The following RRP15 variants were observed in gnomAD, a reference collection of about 807,000 sequenced individuals.
The protein encoded by RRP15 is RRP15-like protein.
In RRP15, 18 loss-of-function variants were observed where a neutral mutation model predicts 27.1. The observed-to-expected ratio is 0.66, with a 90% confidence interval of 0.46 to 0.98. RRP15 has a LOEUF of 0.98. RRP15 is among the 50% of genes least tolerant of loss of function. The pLI is 0.00. For synonymous variants in RRP15, 107 were observed against 109.4 expected (o/e 0.98, Z 0.14); for missense variants, 359 against 337.8 (o/e 1.06, Z -0.49).
intron 4 of RRP15, among the ~76,000 whole-genome samples, chr1:218,315,372 GGA>G (rs1248497634): frequency 6.6e-6 from 1 of 152,076 alleles, no homozygotes; most frequent in Non-Finnish European, 1.5e-5. Flanking sequence ...CAGAAGCCTA[GGA>G]AAGGAGGACT....
intron 4 of RRP15, 62 bp from the exon 5 acceptor site, chr1:218,330,886 C>G (rs1656354842): frequency 2.7e-6 from 4 of 1,479,862 alleles, no homozygotes; most frequent in Non-Finnish European, 3.7e-6. Flanking sequence ...GTAGCTTGTA[C>G]CTTTTTGTTT....
rs185819266 is a variant in RRP15, at chr1:218,287,055, G to A, written c.139+1600G>A. 5.6e-3 allele frequency among the ~76,000 whole-genome samples: 762 copies of A among 136,608 alleles called. 10 individuals carry two copies. The highest frequency in any genetic ancestry group is 0.019 in the African/African-American group (706 of 36,482). 89.6% of individuals were successfully genotyped at this position (136,608 alleles called of 152,430 possible). The stretch of plus-strand genomic sequence containing the variant: ...TGCAACCTTGACCTCCTCCCCCACC[G>A]CCCCCCAAAGCGATCCTCTTGCTTC... On this transcript the variant is annotated intron_variant, in intron 1 of 4. Coordinates refer to ENST00000366932, the MANE Select transcript of RRP15 (RefSeq NM_016052.4).
chr1:218,287,665 C>A (rs1170843999), intron 1 of RRP15, among the ~76,000 whole-genome samples: 2 of 151,932 alleles, frequency 1.3e-5, no homozygotes, highest in East Asian at 1.9e-4. Flanking sequence ...CAGAGAAATT[C>A]ATATCCTCTG....
At chr1:218,296,408 C>A (rs1655720029) in intron 1 of RRP15, among the ~76,000 whole-genome samples, 1 of 152,060 alleles carries the variant, frequency 6.6e-6, no homozygotes, top group Non-Finnish European at 1.5e-5. Flanking sequence ...AATTCCAGCA[C>A]TTTGGAAGGC....
At position 218,336,249 on chromosome 1, in the gene RRP15, AAC is replaced by A. The variant is rs145972776; in HGVS notation, c.*5178_*5179del. Reference sequence around the variant, plus strand: ...AAATGTAGGTTGCAGATTCAGGCAAAACACACACACACACACACACAAAACCC... The same window carrying A: ...AAATGTAGGTTGCAGATTCAGGCAAAACACACACACACACACACAAAACCC... On this transcript the variant is annotated 3_prime_UTR_variant, in exon 5 of 5. Coordinates refer to ENST00000366932, the MANE Select transcript of RRP15 (RefSeq NM_016052.4). The A allele has an allele frequency of 6.1e-4, 91 of 149,748 alleles. No individual in the cohort carries two copies. The highest frequency in any genetic ancestry group is 3.5e-3 in the Middle Eastern group (1 of 286). 9.3% of individuals were successfully genotyped at this position (149,748 alleles called of 1,614,324 possible). A position where few individuals can be genotyped will look rare whatever the true frequency, so the allele number is the denominator to read the frequency against.
intron 1 of RRP15, among the ~76,000 whole-genome samples, chr1:218,300,288 T>C (rs1418133797): frequency 6.6e-6 from 1 of 152,200 alleles, no homozygotes; most frequent in East Asian, 1.9e-4. Flanking sequence ...TGTTCTTTGC[T>C]ATGTAATGTT....
At chr1:218,294,697 A>C (rs1158998947) in intron 1 of RRP15, among the ~76,000 whole-genome samples, 1 of 151,918 alleles carries the variant, frequency 6.6e-6, no homozygotes, top group Non-Finnish European at 1.5e-5. Flanking sequence ...AGCATGGTTG[A>C]TTAAATCATC....
At chr1:218,304,661 A>G (rs909970162) in intron 2 of RRP15, among the ~76,000 whole-genome samples, 1 of 152,210 alleles carries the variant, frequency 6.6e-6, no homozygotes, top group East Asian at 1.9e-4. Context: ...TAAACTTATA[A>G]TTTTCAAAGA....
intron 1 of RRP15, among the ~76,000 whole-genome samples, chr1:218,292,863 C>T (rs181476006): frequency 6.6e-6 from 1 of 152,296 alleles, no homozygotes; most frequent in East Asian, 1.9e-4. Flanking sequence ...TATTGGCATA[C>T]TCTTTTTATT....
Position 218,285,364 on chromosome 1 carries a change from G to C in RRP15, c.48G>C (p.Leu16=), listed in dbSNP as rs1465047155. 1 of 1,614,108 alleles carries C rather than the reference G, an allele frequency of 6.2e-7. No individual in the cohort carries two copies. Among genetic ancestry groups the C allele is most frequent in the Admixed American group, 1.7e-5 (1 of 60,020 alleles). ...CACGTGTGAGTGAGGAAGAAAACCTGAAAAAGACCCCAAAGAAGAAGATGA... is the reference window on the plus strand; with the variant it reads ...CACGTGTGAGTGAGGAAGAAAACCTCAAAAAGACCCCAAAGAAGAAGATGA... ...PDSRVSEEEN[L]KKTPKKKMKM... Residue 16 remains leucine (L), a synonymous_variant, in exon 1 of 5, where the codon CTG becomes CTC. Transcript: ENST00000366932.
rs1454223235 is a variant in RRP15, at chr1:218,291,302, C to T, written c.139+5847C>T. On this transcript the variant is annotated intron_variant, in intron 1 of 4. Transcript: ENST00000366932. ...AAAAAAAATATACAAAAAATTAGCCCAACATGGTGGTGTATGCCTGTAGTG... is the reference window on the plus strand; with the variant it reads ...AAAAAAAATATACAAAAAATTAGCCTAACATGGTGGTGTATGCCTGTAGTG... Among the ~76,000 whole-genome samples the T allele has an allele frequency of 2.0e-5, 3 of 151,126 alleles. No individual in the cohort carries two copies. In the East Asian group the frequency reaches 6.0e-4, roughly 30 times the overall value.
At chr1:218,317,759 A>AGGGTCTTG (rs71805219) in intron 4 of RRP15, among the ~76,000 whole-genome samples, 5,878 of 138,344 alleles carry the variant, frequency 0.042, 164 homozygotes, top group East Asian at 0.069. Flanking sequence ...ATTTAAAGAC[A>AGGGTCTTG]GGGTCTTGGT....
At chr1:218,318,466 G>A (rs1206380264) in intron 4 of RRP15, among the ~76,000 whole-genome samples, 2 of 152,080 alleles carry the variant, frequency 1.3e-5, no homozygotes, top group African/African-American at 4.8e-5. Flanking sequence ...ATCCAGGCCA[G>A]TTGTCTTGAA....
At chr1:218,326,269 G>A (rs1301708307) in intron 4 of RRP15, among the ~76,000 whole-genome samples, 1 of 152,192 alleles carries the variant, frequency 6.6e-6, no homozygotes, top group Non-Finnish European at 1.5e-5. Context: ...ATGCACCATT[G>A]CACTCCAGCC....
chr1:218,319,331 C>T (rs887037665), intron 4 of RRP15, among the ~76,000 whole-genome samples: 1 of 152,162 alleles, frequency 6.6e-6, no homozygotes, highest in African/African-American at 2.4e-5. Flanking sequence ...TCCCAAAGTT[C>T]TGGGATTACA....
rs2102520802 is a variant in RRP15 at position 218,334,916 on chromosome 1, GT to G, written c.*3826del. ...CTTACTGACTGTTGCAGCACTGGTA[GT>G]CCTGGTAAATTTTTTCAGTGGGCGA... On this transcript the variant is annotated 3_prime_UTR_variant, in exon 5 of 5. Coordinates refer to ENST00000366932, the MANE Select transcript of RRP15 (RefSeq NM_016052.4). 6.6e-6 allele frequency: 1 copy of G among 152,288 alleles called. No homozygotes were observed. Among genetic ancestry groups the G allele is most frequent in the East Asian group, 1.9e-4 (1 of 5,184 alleles). 9.4% of individuals were successfully genotyped at this position (152,288 alleles called of 1,614,324 possible).
intron 4 of RRP15, among the ~76,000 whole-genome samples, chr1:218,320,303 A>G (rs1214001979): frequency 6.6e-6 from 1 of 150,700 alleles, no homozygotes; most frequent in Non-Finnish European, 1.5e-5. Flanking sequence ...GAGTGAGAAC[A>G]TGCGGTGTTT....
At chr1:218,324,784 A>G (rs1656246087) in intron 4 of RRP15, among the ~76,000 whole-genome samples, 1 of 152,192 alleles carries the variant, frequency 6.6e-6, no homozygotes, top group African/African-American at 2.4e-5. Context: ...TTACAGCTGA[A>G]TGTTGTAATA....
At chr1:218,308,292 G>C (rs2102502614) in intron 4 of RRP15, among the ~76,000 whole-genome samples, 1 of 151,612 alleles carries the variant, frequency 6.6e-6, no homozygotes, top group South Asian at 2.1e-4. Flanking sequence ...GGCTGGTCTT[G>C]AACTTCTGAC....
Sources: gnomAD v4.1 joint callset for allele counts (sites outside exome capture counted in the v4.1 genomes callset) on GRCh38, gnomAD v4.1.1 for gene constraint, MANE v1.5 for transcripts, NCBI Gene and HGNC (gene_info 2026-07-23, HGNC 2026-07-21) for gene names.